The following PTH2R variants were observed in gnomAD, a reference collection of about 807,000 sequenced individuals.
PTH2R encodes PTH2 receptor.
In PTH2R, 59 loss-of-function variants were observed where a neutral mutation model predicts 60.3. That is an observed-to-expected ratio of 0.98 (90% CI 0.79 to 1.22). The LOEUF (loss-of-function observed/expected upper bound fraction) is 1.22, where lower values mean the gene tolerates loss of function less well. PTH2R is among the 50% of genes most tolerant of loss of function. PTH2R has a pLI of 0.00. For synonymous variants in PTH2R, 256 were observed against 243.8 expected, an observed-to-expected ratio of 1.05 and a Z score of -0.47; for missense variants, 749 against 682.6, an observed-to-expected ratio of 1.10 and a Z score of -1.08.
In PTH2R at chr2:208,493,429, T is replaced by C. The variant is rs573669623; in HGVS notation, c.1423T>C (p.Ser475Pro). 1.9e-6 allele frequency: 3 copies of C among 1,609,828 alleles called. No homozygotes were observed. The highest frequency in any genetic ancestry group is 3.3e-5 in the Admixed American group (2 of 59,780). Residue 475 changes from serine (S) to proline (P), a missense_variant, in exon 13 of 13, where the codon TCT (serine) becomes CCT (proline). Physicochemically the swap from Ser to Pro is moderately conservative, Grantham distance 74. Coordinates refer to ENST00000272847, the MANE Select transcript of PTH2R (RefSeq NM_005048.4). ...VAASTRMVLI[S>P]GKAAKIASRQ... ...GGCCAGCACACGCATGGTGCTTATC[T>C]CTGGCAAAGCTGCCAAGATCGCCAG...
At chr2:208,379,353 T>C (rs775246549) in intron 1 of PTH2R, among the ~76,000 whole-genome samples, 5 of 152,104 alleles carry the variant, frequency 3.3e-5, no homozygotes, top group Non-Finnish European at 5.9e-5. Context: ...AGTTCTCTAA[T>C]GATTTACAAA....
intron 9 of PTH2R, among the ~76,000 whole-genome samples, chr2:208,466,880 G>A (rs1702765135): frequency 1.3e-5 from 2 of 152,064 alleles, no homozygotes; most frequent in South Asian, 2.1e-4. Flanking sequence ...GCTGTGCAGA[G>A]GCATTTTAGT....
chr2:208,399,717 A>T (rs748417674), intron 1 of PTH2R, among the ~76,000 whole-genome samples: 2 of 152,022 alleles, frequency 1.3e-5, no homozygotes, highest in Admixed American at 1.3e-4. Context: ...GTTGAATTTA[A>T]TCTGTATCCT....
chr2:208,400,677 A>G (rs1701291907), intron 1 of PTH2R, among the ~76,000 whole-genome samples: 1 of 152,238 alleles, frequency 6.6e-6, no homozygotes, highest in Non-Finnish European at 1.5e-5. Flanking sequence ...TGGATGAATC[A>G]GACAATAACT....
At chr2:208,484,791 T>C (rs1042086212) in intron 10 of PTH2R, among the ~76,000 whole-genome samples, 1 of 152,220 alleles carries the variant, frequency 6.6e-6, no homozygotes, top group East Asian at 1.9e-4. Context: ...CATCACTTAC[T>C]GCATCACACT....
intron 1 of PTH2R, among the ~76,000 whole-genome samples, chr2:208,393,310 G>A (rs1203281805): frequency 6.6e-6 from 1 of 152,180 alleles, no homozygotes; most frequent in African/African-American, 2.4e-5. Context: ...AGGGGATAAA[G>A]AGGTGTGTTT....
At chr2:208,366,698 T>G (rs1193343653) in intron 1 of PTH2R, among the ~76,000 whole-genome samples, 3 of 152,214 alleles carry the variant, frequency 2.0e-5, no homozygotes, top group Non-Finnish European at 4.4e-5. Flanking sequence ...GCTTTCTTCT[T>G]GATACCATTG....
At position 208,446,958 on chromosome 2, in the gene PTH2R, T is replaced by A. The variant is rs368753296; in HGVS notation, c.853+2071T>A. ...CCAATGATGCCATTTACTGGCTTCATTAGAGCAGAGAACTTGCTTAAATTC... is the reference window on the plus strand; with the variant it reads ...CCAATGATGCCATTTACTGGCTTCAATAGAGCAGAGAACTTGCTTAAATTC... On this transcript the variant is annotated intron_variant, in intron 7 of 12. Transcript: ENST00000272847. 4.6e-5 allele frequency among the ~76,000 whole-genome samples: 7 copies of A among 152,270 alleles called. No individual in the cohort carries two copies. In the East Asian group the frequency reaches 1.4e-3, roughly 29 times the overall value.
chr2:208,417,409 A>C (rs1304518860), intron 1 of PTH2R, among the ~76,000 whole-genome samples: 1 of 152,156 alleles, frequency 6.6e-6, no homozygotes, highest in Admixed American at 6.6e-5. Flanking sequence ...AATCTAGTTC[A>C]TTTGCAAGAA....
At chr2:208,437,380 T>A (rs1367602633) in intron 2 of PTH2R, among the ~76,000 whole-genome samples, 157 bp from the exon 3 acceptor site, 1 of 152,220 alleles carries the variant, frequency 6.6e-6, no homozygotes, top group African/African-American at 2.4e-5. Flanking sequence ...TTTGGGACAT[T>A]TGCATCATAT....
chr2:208,450,951 T>C (rs942764572), intron 8 of PTH2R, 142 bp downstream of exon 8: 2 of 886,876 alleles, frequency 2.3e-6, no homozygotes, highest in Admixed American at 2.1e-5. Flanking sequence ...GATGCGATGG[T>C]AGCTTCCAAC....
intron 1 of PTH2R, among the ~76,000 whole-genome samples, chr2:208,417,368 G>C (rs931747754): frequency 6.6e-6 from 1 of 151,952 alleles, no homozygotes. Flanking sequence ...TTGTAACTGG[G>C]GTGTAGCTAG....
chr2:208,398,476 T>G (rs1311081800), intron 1 of PTH2R, among the ~76,000 whole-genome samples: 3 of 152,198 alleles, frequency 2.0e-5, no homozygotes, highest in Non-Finnish European at 4.4e-5. Context: ...TCTTGGTGAT[T>G]TGGTGGATAA....
rs767386408 is a variant in PTH2R, at chr2:208,444,817, G to C, written c.783G>C (p.Leu261=). The change falls in exon 7 of 13, where the codon CTG becomes CTC. Residue 261 remains leucine, a synonymous_variant. Coordinates refer to ENST00000272847, the MANE Select transcript of PTH2R (RefSeq NM_005048.4). ...GGATCCTGGTGGAAGGTCTCTACCT[G>C]CATAATCTCATCTTTGTGGCTTTCT... ...YYWILVEGLY[L]HNLIFVAFFS... 1 of 1,613,884 alleles carries C rather than the reference G, an allele frequency of 6.2e-7. No individual in the cohort carries two copies. Among genetic ancestry groups the C allele is most frequent in the South Asian group, 1.1e-5 (1 of 91,062 alleles).
chr2:208,360,005 C>T (rs1700415189), exon 1 of PTH2R: 4 of 325,194 alleles, frequency 1.2e-5, no homozygotes, highest in African/African-American at 8.7e-5. Flanking sequence ...AGCCTGCTCT[C>T]CAGTCCCTAT....
rs1702546235 is a variant in PTH2R, at chr2:208,457,868, G to A, written c.915-2027G>A. 2.0e-5 allele frequency among the ~76,000 whole-genome samples: 3 copies of A among 152,052 alleles called. No homozygotes were observed. In the South Asian group the frequency reaches 6.2e-4, roughly 31 times the overall value. ...TTACCCTTAAGGAAAAGTCAAAATG[G>A]TATTTTATTATCTATAGCTTGCTCA... On this transcript the variant is annotated intron_variant, in intron 8 of 12. Coordinates refer to ENST00000272847, the MANE Select transcript of PTH2R (RefSeq NM_005048.4).
intron 1 of PTH2R, among the ~76,000 whole-genome samples, chr2:208,413,761 G>A (rs1037278869): frequency 1.3e-5 from 2 of 152,180 alleles, no homozygotes; most frequent in South Asian, 4.1e-4. Flanking sequence ...GAAGAAGGAA[G>A]AAAGAAACAC....
At chr2:208,446,915 C>G (rs548252567) in intron 7 of PTH2R, among the ~76,000 whole-genome samples, 6 of 152,176 alleles carry the variant, frequency 3.9e-5, no homozygotes, top group African/African-American at 1.4e-4. Flanking sequence ...GAGAGCGAGT[C>G]CAATTTTATA....
intron 1 of PTH2R, among the ~76,000 whole-genome samples, chr2:208,367,576 G>C (rs1574809546): frequency 6.6e-6 from 1 of 151,834 alleles, no homozygotes; most frequent in East Asian, 1.9e-4. Flanking sequence ...CACCATATTG[G>C]CCAGGCTGAT....
Sources: allele counts gnomAD v4.1 joint callset (sites outside exome capture counted in the v4.1 genomes callset), GRCh38; gene constraint gnomAD v4.1.1; transcripts MANE v1.5; gene names NCBI Gene and HGNC (gene_info 2026-07-23, HGNC 2026-07-21).